ASB15: variants seen among roughly 807,000 people sequenced by gnomAD.
ASB15 encodes the protein ankyrin repeat and SOCS box protein 15.
A neutral mutation model predicts 58.0 loss-of-function variants in ASB15; 54 were observed. That is an observed-to-expected ratio of 0.93 (90% CI 0.75 to 1.17). The LOEUF is 1.17. Ranked by LOEUF, ASB15 falls within the 50% of genes most tolerant of loss-of-function variation. The pLI, the probability that ASB15 is intolerant of heterozygous loss-of-function variation, is 0.00. For synonymous variants in ASB15, 249 were observed against 262.4 expected (o/e 0.95, Z 0.50); for missense variants, 680 against 707.4 (o/e 0.96, Z 0.44).
intron 4 of ASB15, among the ~76,000 whole-genome samples, chr7:123,615,985 T>C (rs1035939949): frequency 2.6e-5 from 4 of 152,172 alleles, no homozygotes; most frequent in Non-Finnish European, 5.9e-5. Flanking sequence ...GAGATAGCAT[T>C]GTAATCTTCT....
At chr7:123,579,057 G>A (rs1369884201) in intron 1 of ASB15, among the ~76,000 whole-genome samples, 1 of 151,772 alleles carries the variant, frequency 6.6e-6, no homozygotes, top group Non-Finnish European at 1.5e-5. Context: ...TGCCCCTCTC[G>A]CTCCCTCCTT....
intron 3 of ASB15, 24 bp from the exon 4 acceptor site, chr7:123,614,477 T>G: frequency 7.0e-7 from 1 of 1,420,784 alleles, no homozygotes; most frequent in Non-Finnish European, 9.9e-7. Context: ...AATAAGAACT[T>G]GTCTCGTTCA....
At chr7:123,584,305 T>G (rs1799315327) in intron 1 of ASB15, among the ~76,000 whole-genome samples, 1 of 55,640 alleles carries the variant, frequency 1.8e-5, no homozygotes, top group Admixed American at 1.6e-4. Flanking sequence ...AGAAAGGCCT[T>G]GTCAAAAAAA....
At position 123,629,922 on chromosome 7, in the gene ASB15, G is replaced by GCC. The variant is rs3993666; in HGVS notation, c.1441-44_1441-43insCC. On this transcript the variant is annotated intron_variant, in intron 10 of 11. Coordinates refer to ENST00000451215, the MANE Select transcript of ASB15 (RefSeq NM_001290258.2). ...AACACAATTGAGTGTTTATGTATAT[G>GCC]ATATTAAAAATACTACTAAATTAAA... 11 of 1,370,106 alleles carry GCC rather than the reference G, an allele frequency of 8.0e-6. No individual in the cohort carries two copies. In the Middle Eastern group the frequency reaches 6.4e-4, roughly 80 times the overall value. The allele number at this position is 1,370,106 out of a possible 1,614,324, so 84.9% of individuals were successfully genotyped here. A position where few individuals can be genotyped will look rare whatever the true frequency, so the allele number is the denominator to read the frequency against.
chr7:123,569,779 T>G (rs1029491786), intron 1 of ASB15, among the ~76,000 whole-genome samples: 1 of 151,818 alleles, frequency 6.6e-6, no homozygotes, highest in Non-Finnish European at 1.5e-5. Context: ...AGGGGACATG[T>G]AGGAAACACT....
chr7:123,577,067 G>A (rs1355889705), intron 1 of ASB15, among the ~76,000 whole-genome samples: 4 of 152,060 alleles, frequency 2.6e-5, no homozygotes, highest in African/African-American at 9.7e-5. Context: ...GACAACATTT[G>A]TAGTTATAAA....
chr7:123,602,723 G>A (rs1187041818), intron 1 of ASB15, among the ~76,000 whole-genome samples: 2 of 152,182 alleles, frequency 1.3e-5, no homozygotes, highest in Non-Finnish European at 2.9e-5. Context: ...CGATGAATTT[G>A]TTAGGTAGTT....
At chr7:123,582,148 TCC>T (rs1799250827) in intron 1 of ASB15, among the ~76,000 whole-genome samples, 1 of 152,010 alleles carries the variant, frequency 6.6e-6, no homozygotes, top group South Asian at 2.1e-4. Flanking sequence ...CCTAAAATGC[TCC>T]TGTGGCTTCT....
At chr7:123,600,053 C>A (rs192920881), upstream of ASB15, among the ~76,000 whole-genome samples, 4 of 152,216 alleles carry the variant, frequency 2.6e-5, no homozygotes, top group African/African-American at 9.6e-5. Flanking sequence ...CAAAGTATGT[C>A]TTATTGTGTG....
intron 1 of ASB15, among the ~76,000 whole-genome samples, chr7:123,582,368 C>G (rs1321496913): frequency 6.6e-6 from 1 of 151,920 alleles, no homozygotes; most frequent in Non-Finnish European, 1.5e-5. Context: ...ACAAATAACA[C>G]CACTACCCTA....
At chr7:123,628,800 C>T (rs565351613) in intron 9 of ASB15, 64 bp from the exon 10 acceptor site, 76 of 1,119,818 alleles carry the variant, frequency 6.8e-5, no homozygotes, top group Admixed American at 2.6e-4. Flanking sequence ...CTAGTGAGAA[C>T]GGTAGTTTAT....
chr7:123,621,062 C>A (rs1387908605), intron 7 of ASB15, among the ~76,000 whole-genome samples: 1 of 152,130 alleles, frequency 6.6e-6, no homozygotes, highest in African/African-American at 2.4e-5. Flanking sequence ...GACAACTAAG[C>A]CGTGATTATC....
At chr7:123,585,029 T>C (rs1320465498) in intron 1 of ASB15, 1 of 151,766 alleles carries the variant, frequency 6.6e-6, no homozygotes, top group Non-Finnish European at 1.5e-5. Context: ...GAAATCAAAA[T>C]ATTTTTAAAA....
At position 123,638,740 on chromosome 7, in the gene ASB15, C is replaced by A. The variant is rs890955568; in HGVS notation, c.*1759C>A. Reference sequence around the variant, plus strand: ...ACTCTCTTTCCGCTTTTTTTGCACCCTTTCACCTGATCAACTCCCACTTAC... The same window carrying A: ...ACTCTCTTTCCGCTTTTTTTGCACCATTTCACCTGATCAACTCCCACTTAC... On this transcript the variant is annotated 3_prime_UTR_variant, in exon 12 of 12. Coordinates refer to ENST00000451215, the MANE Select transcript of ASB15 (RefSeq NM_001290258.2). 1 of 152,194 alleles carries A rather than the reference C, an allele frequency of 6.6e-6. No homozygotes were observed. Among genetic ancestry groups the A allele is most frequent in the African/African-American group, 2.4e-5 (1 of 41,408 alleles). 9.4% of individuals were successfully genotyped at this position (152,194 alleles called of 1,614,324 possible).
chr7:123,572,094 C>CT (rs1036847276), intron 1 of ASB15, among the ~76,000 whole-genome samples: 7 of 105,704 alleles, frequency 6.6e-5, no homozygotes. Flanking sequence ...GACCAGTTGT[C>CT]TTGTTTTACA....
In ASB15 at chr7:123,629,130, AT is replaced by A; in HGVS notation, c.1137del (p.Leu381SerfsTer8). On this transcript the variant is annotated frameshift_variant, in exon 10 of 12. Transcript: ENST00000451215. LOFTEE classifies it high-confidence loss of function. ...LLAAGADPNL[D>X]PLNCLLVAVR... ...GCTGCAGGTGCAGACCCAAACTTAG[AT>A]CCCCTCAACTGTCTACTTGTTGCAG... is the stretch of plus-strand genomic sequence containing the variant. 4.3e-6 allele frequency: 7 copies of A among 1,614,126 alleles called. No individual in the cohort carries two copies. Among genetic ancestry groups the A allele is most frequent in the Non-Finnish European group, 5.9e-6 (7 of 1,179,994 alleles).
At chr7:123,572,988 AT>A (rs1798955751) in intron 1 of ASB15, among the ~76,000 whole-genome samples, 2 of 152,152 alleles carry the variant, frequency 1.3e-5, no homozygotes, top group South Asian at 4.1e-4. Context: ...GACCTATCAA[AT>A]TTTAACAAAC....
intron 7 of ASB15, among the ~76,000 whole-genome samples, chr7:123,620,634 C>T (rs1271169274): frequency 3.3e-5 from 4 of 122,010 alleles, no homozygotes; most frequent in Admixed American, 9.5e-5. Context: ...TGCAGTGGCG[C>T]GATCTCAAAA....
chr7:123,604,568 G>A (rs372123987), intron 2 of ASB15, among the ~76,000 whole-genome samples: 4 of 148,580 alleles, frequency 2.7e-5, no homozygotes, highest in African/African-American at 9.9e-5. Flanking sequence ...GTTGACAGAA[G>A]GAGACTCTGT....
Sources: gnomAD v4.1 joint callset for allele counts (sites outside exome capture counted in the v4.1 genomes callset) on GRCh38, gnomAD v4.1.1 for gene constraint, MANE v1.5 for transcripts, NCBI Gene and HGNC (gene_info 2026-07-23, HGNC 2026-07-21) for gene names.